The following OR6C6 variants were observed in gnomAD, a reference collection of about 807,000 sequenced individuals.
OR6C6 encodes olfactory receptor 6C6.
For missense variants in OR6C6, 411 were observed against 366.8 expected (o/e 1.12, Z -0.98); for synonymous variants, 140 against 135.2 (o/e 1.04, Z -0.25).
chr12:55,295,569 T>G lies in OR6C6; in HGVS notation c.-25-312A>C, dbSNP rs148579975. Among the ~76,000 whole-genome samples, 15 of 152,110 alleles carry G rather than the reference T, an allele frequency of 9.9e-5. No individual in the cohort carries two copies. In the East Asian group the frequency reaches 2.9e-3, roughly 29 times the overall value. On this transcript the variant is annotated intron_variant, in intron 1 of 1. Transcript: ENST00000358433. ...TGTAATTTAAACAAAATCATATTAA[T>G]ATTTTAAATTTTTTTCTCTATTATT...
Position 55,294,138 on chromosome 12 carries a change from G to T in OR6C6, c.*150C>A. On this transcript the variant is annotated 3_prime_UTR_variant, in exon 2 of 2. Transcript: ENST00000358433. ...TTTTGTACTTTTAAGTAGAGACGGGGTTTCACCATGTTGGCCAGGCTGGTC... is the reference window on the plus strand; with the variant it reads ...TTTTGTACTTTTAAGTAGAGACGGGTTTTCACCATGTTGGCCAGGCTGGTC... The T allele has an allele frequency of 1.8e-6, 1 of 557,944 alleles. No individual in the cohort carries two copies. The highest frequency in any genetic ancestry group is 3.2e-6 in the Non-Finnish European group (1 of 312,316). The allele number at this position is 557,944 out of a possible 1,614,324, so 34.6% of individuals were successfully genotyped here.
At chr12:55,295,279 A>G in intron 1 of OR6C6, 22 bp from the exon 2 acceptor site, 6 of 992,776 alleles carry the variant, frequency 6.0e-6, no homozygotes, top group Non-Finnish European at 9.1e-6. Context: ...GGGAAAAACA[A>G]AATTTATACA....
Position 55,294,944 on chromosome 12 carries a change from T to G in OR6C6, c.289A>C (p.Thr97Pro). 1 of 1,613,594 alleles carries G rather than the reference T, an allele frequency of 6.2e-7. No individual in the cohort carries two copies. Among genetic ancestry groups the G allele is most frequent in the Non-Finnish European group, 8.5e-7 (1 of 1,179,772 alleles). ...GGTAAAAGGATAAAAAATAATTGAG[T>G]TGCACAATTATTATAAGAAATGGTT... ...DKTISYNNCA[T>P]QLFFILLPGV... The change falls in exon 2 of 2, where the codon ACT becomes CCT. Residue 97 changes from threonine (T) to proline (P), a missense_variant. Physicochemically the swap from Thr to Pro is conservative, Grantham distance 38. Coordinates refer to ENST00000358433, the MANE Select transcript of OR6C6 (RefSeq NM_001005493.2).
chr12:55,294,192 T>G lies in OR6C6; in HGVS notation c.*96A>C. The G allele has an allele frequency of 1.4e-6, 1 of 715,130 alleles. No individual in the cohort carries two copies. The highest frequency in any genetic ancestry group is 2.4e-6 in the Non-Finnish European group (1 of 424,874). 44.3% of individuals were successfully genotyped at this position (715,130 alleles called of 1,614,324 possible). ...AACTCCTGACCTCAGGTAACCACCC[T>G]CCTCAGCCTCCCAAAGTGCTGTGAT... On this transcript the variant is annotated 3_prime_UTR_variant, in exon 2 of 2. Coordinates refer to ENST00000358433, the MANE Select transcript of OR6C6 (RefSeq NM_001005493.2).
chr12:55,294,052 C>G lies in OR6C6; in HGVS notation c.*236G>C, dbSNP rs1791062473. 3 of 321,230 alleles carry G rather than the reference C, an allele frequency of 9.3e-6. No homozygotes were observed. In the Admixed American group the frequency reaches 1.4e-4, roughly 15 times the overall value. 19.9% of individuals were successfully genotyped at this position (321,230 alleles called of 1,614,324 possible). On this transcript the variant is annotated 3_prime_UTR_variant, in exon 2 of 2. Coordinates refer to ENST00000358433, the MANE Select transcript of OR6C6 (RefSeq NM_001005493.2). ...CTCCACCTCCCGAGTTCAAGCTATT[C>G]TCTTGCCTCAGACTCCTGAGTAGCT...
At chr12:55,295,641 C>G (rs922052882) in intron 1 of OR6C6, among the ~76,000 whole-genome samples, 1 of 151,710 alleles carries the variant, frequency 6.6e-6, no homozygotes, top group Non-Finnish European at 1.5e-5. Context: ...CTTTTTATAA[C>G]GAGTATGAGG....
Position 55,294,621 on chromosome 12 carries a change from T to C in OR6C6, c.612A>G (p.Thr204=). 1 of 1,613,930 alleles carries C rather than the reference T, an allele frequency of 6.2e-7. No homozygotes were observed. The highest frequency in any genetic ancestry group is 8.5e-7 in the Non-Finnish European group (1 of 1,179,834). ...ELMSFTLAVV[T]LVVTLVLVIL... ...TCACTAATACCAGTGTGACCACAAG[T>C]GTCACCACAGCTAAGGTAAAAGACA... Residue 204 remains threonine, a synonymous_variant, in exon 2 of 2, where the codon ACA becomes ACG. Coordinates refer to ENST00000358433, the MANE Select transcript of OR6C6 (RefSeq NM_001005493.2).
intron 1 of OR6C6, 94 bp from the exon 2 acceptor site, chr12:55,295,351 G>T: frequency 1.8e-6 from 1 of 561,446 alleles, no homozygotes; most frequent in Non-Finnish European, 3.0e-6. Flanking sequence ...TTATCCATGT[G>T]CAAATGGTTT....
chr12:55,295,357 G>A, intron 1 of OR6C6, 100 bp from the exon 2 acceptor site: 1 of 543,374 alleles, frequency 1.8e-6, no homozygotes. Context: ...ATGTGCAAAT[G>A]GTTTCTCCAG....
chr12:55,294,479 T>A lies in OR6C6; in HGVS notation c.754A>T (p.Ser252Cys). The change falls in exon 2 of 2, where the codon AGC becomes TGC. Residue 252 changes from serine (S) to cysteine (C), a missense_variant. Coordinates refer to ENST00000358433, the MANE Select transcript of OR6C6 (RefSeq NM_001005493.2). ...HMIVVSMTYG[S>C]CIFMYIKPSA... is the part of the protein sequence containing the mutation. The stretch of plus-strand genomic sequence containing the variant: ...GGTTTAATATACATAAAGATACAGC[T>A]ACCGTATGTCATGGAGACAACAATC... The A allele has an allele frequency of 6.2e-7, 1 of 1,613,668 alleles. No homozygotes were observed. Among genetic ancestry groups the A allele is most frequent in the Non-Finnish European group, 8.5e-7 (1 of 1,179,612 alleles).
intron 1 of OR6C6, 101 bp from the exon 2 acceptor site, chr12:55,295,358 G>T (rs1868250910): frequency 1.8e-6 from 1 of 543,624 alleles, no homozygotes; most frequent in Admixed American, 3.7e-5. Context: ...TGTGCAAATG[G>T]TTTCTCCAGC....
Position 55,294,730 on chromosome 12 carries a change from G to C in OR6C6, c.503C>G (p.Ala168Gly). 6.2e-7 allele frequency: 1 copy of C among 1,614,048 alleles called. No homozygotes were observed. Among genetic ancestry groups the C allele is most frequent in the South Asian group, 1.1e-5 (1 of 91,086 alleles). ...LVMGLKLDFC[A>G]SKTIDHFMCE... ...CATAAAGTGGTCAATAGTTTTGGAA[G>C]CACAAAAATCCAGCTTGAGTCCCAT... Residue 168 changes from alanine to glycine, a missense_variant, in exon 2 of 2, where the codon GCT becomes GGT. Transcript: ENST00000358433.
Position 55,295,047 on chromosome 12 carries a change from A to G in OR6C6, c.186T>C (p.Arg62=). The part of the protein sequence containing the change: ...RLKTPMYFFL[R]NFSFLEVIFT... The stretch of plus-strand genomic sequence containing the variant: ...ATATTACTTCCAAAAAGGAGAAATT[A>G]CGGAGAAAGAAATACATTGGCGTCT... The change falls in exon 2 of 2, where the codon CGT becomes CGC. Residue 62 remains arginine (R), a synonymous_variant. Transcript: ENST00000358433. 1.2e-6 allele frequency: 2 copies of G among 1,614,004 alleles called. No homozygotes were observed. The highest frequency in any genetic ancestry group is 1.3e-5 in the African/African-American group (1 of 75,032).
Position 55,295,179 on chromosome 12 carries a change from G to T in OR6C6, c.54C>A (p.Asp18Glu). 1 of 1,613,222 alleles carries T rather than the reference G, an allele frequency of 6.2e-7. No homozygotes were observed. Among genetic ancestry groups the T allele is most frequent in the Non-Finnish European group, 8.5e-7 (1 of 1,179,440 alleles). Residue 18 changes from aspartate (D) to glutamate (E), a missense_variant, in exon 2 of 2, where the codon GAC becomes GAA. Asp to Glu is a conservative substitution (Grantham distance 45, BLOSUM62 2). Coordinates refer to ENST00000358433, the MANE Select transcript of OR6C6 (RefSeq NM_001005493.2). ...GGAAAATCACAATTTGCAACTGTGG[G>T]TCATCTGTCAATCCTAGGAGAATGA... Reference protein sequence around the residue: ...IEFILLGLTDDPQLQIVIFLF... With the variant: ...IEFILLGLTDEPQLQIVIFLF...
In OR6C6 at chr12:55,294,910, G is replaced by A. The variant is rs138409643; in HGVS notation, c.323C>T (p.Thr108Ile). The A allele has an allele frequency of 1.4e-5, 22 of 1,613,822 alleles. No individual in the cohort carries two copies. The African/African-American group carries it at 2.4e-4, about 18-fold the overall frequency. The change falls in exon 2 of 2, where the codon ACT (threonine) becomes ATT (isoleucine). Residue 108 changes from threonine (T) to isoleucine (I), a missense_variant. Transcript: ENST00000358433. ...QLFFILLPGV[T>I]EFYLLAAMSY... ...CATGGCAGCCAGGAGGTAAAACTCAGTAACTCCCGGTAAAAGGATAAAAAA... is the reference window on the plus strand; with the variant it reads ...CATGGCAGCCAGGAGGTAAAACTCAATAACTCCCGGTAAAAGGATAAAAAA...
At chr12:55,295,307 ATTTC>A in intron 1 of OR6C6, 50 bp from the exon 2 acceptor site, 4 of 721,358 alleles carry the variant, frequency 5.5e-6, no homozygotes, top group Non-Finnish European at 8.8e-6. Context: ...ACATATATGT[ATTTC>A]TAAAGCAGAA....
chr12:55,294,229 G>A lies in OR6C6; in HGVS notation c.*59C>T. The A allele has an allele frequency of 9.8e-7, 1 of 1,023,354 alleles. No individual in the cohort carries two copies. The allele number at this position is 1,023,354 out of a possible 1,614,324, so 63.4% of individuals were successfully genotyped here. ...CAAAGTGCTGTGATTACAGGCATGA[G>A]CCACCATGCCAGGCCGTTTTCCAGT... On this transcript the variant is annotated 3_prime_UTR_variant, in exon 2 of 2. Transcript: ENST00000358433.
Position 55,295,237 on chromosome 12 carries a change from C to G in OR6C6, c.-5G>C, listed in dbSNP as rs746063117. On this transcript the variant is annotated 5_prime_UTR_variant, in exon 2 of 2. Coordinates refer to ENST00000358433, the MANE Select transcript of OR6C6 (RefSeq NM_001005493.2). The stretch of plus-strand genomic sequence containing the variant: ...TTCCATTGATTTGTTCTTCATTTCT[C>G]TTTTGTGATCCTTATCAAATCTACA... 3.9e-6 allele frequency: 6 copies of G among 1,552,446 alleles called. No individual in the cohort carries two copies. Among genetic ancestry groups the G allele is most frequent in the Non-Finnish European group, 5.3e-6 (6 of 1,137,094 alleles).
In OR6C6 at chr12:55,295,153, A is replaced by C; in HGVS notation, c.80T>G (p.Leu27Arg). 6.2e-7 allele frequency: 1 copy of C among 1,613,842 alleles called. No individual in the cohort carries two copies. The highest frequency in any genetic ancestry group is 1.1e-5 in the South Asian group (1 of 91,072). Residue 27 changes from leucine (L) to arginine (R), a missense_variant, in exon 2 of 2, where the codon CTG becomes CGG. Physicochemically the swap from Leu to Arg is moderately radical, Grantham distance 102. Transcript: ENST00000358433. Reference sequence around the variant, plus strand: ...CAAGGTGTAGTTGAGAAATAGAAACAGGAAAATCACAATTTGCAACTGTGG... The same window carrying C: ...CAAGGTGTAGTTGAGAAATAGAAACCGGAAAATCACAATTTGCAACTGTGG... Reference protein sequence around the residue: ...DDPQLQIVIFLFLFLNYTLSL... With the variant: ...DDPQLQIVIFRFLFLNYTLSL...
Sources: gnomAD v4.1 joint callset for allele counts (sites outside exome capture counted in the v4.1 genomes callset) on GRCh38, gnomAD v4.1.1 for gene constraint, MANE v1.5 for transcripts, NCBI Gene and HGNC (gene_info 2026-07-23, HGNC 2026-07-21) for gene names.